OPCML: variants seen among roughly 807,000 people sequenced by gnomAD.
The protein encoded by OPCML is opioid-binding protein/cell adhesion molecule.
OPCML carries 13 observed loss-of-function variants against 37.8 expected under a neutral mutation model. That is an observed-to-expected ratio of 0.34 (90% confidence interval 0.22 to 0.55). The LOEUF is 0.55. Ranked by LOEUF, OPCML falls within the 20% of genes least tolerant of loss-of-function variation. OPCML has a pLI of 0.91. For synonymous variants in OPCML, 176 were observed against 168.8 expected (o/e 1.04, Z -0.33); for missense variants, 341 against 435.6 (o/e 0.78, Z 1.93).
intron 3 of OPCML, among the ~76,000 whole-genome samples, chr11:132,542,161 C>T (rs1591527992): frequency 6.6e-6 from 1 of 152,156 alleles, no homozygotes; most frequent in Admixed American, 6.6e-5. Flanking sequence ...GTCCCTGATG[C>T]CTCCAGTCTT....
chr11:133,160,944 C>T (rs561266431), intron 1 of OPCML, among the ~76,000 whole-genome samples: 15 of 152,326 alleles, frequency 9.8e-5, no homozygotes, highest in East Asian at 3.9e-4. Context: ...ATGTTCTGCA[C>T]GGTGTGAGGC....
intron 2 of OPCML, among the ~76,000 whole-genome samples, chr11:132,760,101 T>C (rs1043045556): frequency 3.1e-4 from 47 of 152,174 alleles, no homozygotes; most frequent in African/African-American, 1.0e-3. Flanking sequence ...TATGTAGTTG[T>C]GCAGTTTTGA....
chr11:132,509,939 G>T (rs1371620496), intron 4 of OPCML, among the ~76,000 whole-genome samples: 2 of 152,148 alleles, frequency 1.3e-5, no homozygotes, highest in East Asian at 3.9e-4. Flanking sequence ...TCTACCAACA[G>T]CTTGCACTGT....
At chr11:133,340,606 CTCTGTGTGTGTGTGTGTG>C (rs960426114) in intron 1 of OPCML, among the ~76,000 whole-genome samples, 6 of 109,288 alleles carry the variant, frequency 5.5e-5, no homozygotes, top group African/African-American at 2.4e-4. Flanking sequence ...TTAAGACTCT[CTCTGTGTGTGTGTGTGTG>C]TGTGTGTGTG....
intron 2 of OPCML, among the ~76,000 whole-genome samples, chr11:132,671,992 T>C (rs113130600): frequency 0.013 from 1,988 of 152,302 alleles, 36 homozygotes; most frequent in African/African-American, 0.035. Context: ...CTCAGCACAC[T>C]GACTACAGAT....
In OPCML at chr11:133,254,324, T is replaced by C. The variant is rs967217696; in HGVS notation, c.61+277940A>G. On this transcript the variant is annotated intron_variant, in intron 1 of 7. Coordinates refer to ENST00000524381, the MANE Select transcript of OPCML (RefSeq NM_001012393.5). ...GAGAGCAGGGCATGAGTTTCTTCCC[T>C]GTTCACACAGCTACAGAACATGCAT... Among the ~76,000 whole-genome samples, 4 of 152,198 alleles carry C rather than the reference T, an allele frequency of 2.6e-5. No individual in the cohort carries two copies. The East Asian group carries it at 7.7e-4, about 29-fold the overall frequency.
rs148750804 is a variant in OPCML at position 133,072,923 on chromosome 11, G to A, written c.62-129913C>T. 3.5e-3 allele frequency among the ~76,000 whole-genome samples: 538 copies of A among 152,370 alleles called. 2 individuals carry two copies. The highest frequency in any genetic ancestry group is 0.012 in the African/African-American group (515 of 41,588). ...AACATTGCCTGAGACAAGGGTTGGT[G>A]TGAAGACAGATTATTTTGGAAGCAA... On this transcript the variant is annotated intron_variant, in intron 1 of 7. Coordinates refer to ENST00000524381, the MANE Select transcript of OPCML (RefSeq NM_001012393.5).
intron 3 of OPCML, among the ~76,000 whole-genome samples, chr11:132,607,856 G>A (rs189021708): frequency 5.8e-4 from 88 of 152,294 alleles, no homozygotes; most frequent in African/African-American, 2.0e-3. Flanking sequence ...GCAGAGAAGA[G>A]TAGGAGGGAG....
chr11:133,172,250 T>C (rs1229088196), intron 1 of OPCML, among the ~76,000 whole-genome samples: 1 of 152,142 alleles, frequency 6.6e-6, no homozygotes. Flanking sequence ...TACTGAATTA[T>C]AGAGATCATG....
At position 133,239,098 on chromosome 11, in the gene OPCML, C is replaced by T. The variant is rs146379521; in HGVS notation, c.61+293166G>A. ...AAGTCAACTCAGAAGACTGCAGTCA[C>T]AGGTGTGCAGGGGAAGGGTGTCTGT... On this transcript the variant is annotated intron_variant, in intron 1 of 7. Transcript: ENST00000524381. Among the ~76,000 whole-genome samples, 393 of 152,310 alleles carry T rather than the reference C, an allele frequency of 2.6e-3. 1 individual carries two copies. Among genetic ancestry groups the T allele is most frequent in the African/African-American group, 9.0e-3 (373 of 41,572 alleles).
chr11:132,482,574 T>G (rs953404452), intron 4 of OPCML, among the ~76,000 whole-genome samples: 4 of 152,136 alleles, frequency 2.6e-5, no homozygotes, highest in East Asian at 1.9e-4. Context: ...ATTTTATGAG[T>G]CCAGCATCAT....
At chr11:132,920,866 C>G (rs1361157156) in intron 2 of OPCML, among the ~76,000 whole-genome samples, 1 of 152,122 alleles carries the variant, frequency 6.6e-6, no homozygotes, top group African/African-American at 2.4e-5. Flanking sequence ...GCCCACCTGG[C>G]GTCTCCTGAG....
chr11:133,316,828 A>G (rs1943215693), intron 1 of OPCML, among the ~76,000 whole-genome samples: 1 of 152,220 alleles, frequency 6.6e-6, no homozygotes, highest in South Asian at 2.1e-4. Flanking sequence ...GCTAAGCCCC[A>G]CGTAAATATA....
At chr11:133,469,802 G>T (rs1413729619) in intron 1 of OPCML, among the ~76,000 whole-genome samples, 2 of 152,036 alleles carry the variant, frequency 1.3e-5, no homozygotes, top group East Asian at 1.9e-4. Context: ...GATCCTACCT[G>T]GCACATGCTC....
intron 2 of OPCML, among the ~76,000 whole-genome samples, chr11:132,722,327 T>G (rs1231684761): frequency 2.6e-5 from 4 of 152,092 alleles, no homozygotes; most frequent in African/African-American, 9.7e-5. Flanking sequence ...AAGTTGTTTT[T>G]TAGAGGGGAT....
chr11:133,449,019 T>A (rs1258808382), intron 1 of OPCML, among the ~76,000 whole-genome samples: 1 of 152,210 alleles, frequency 6.6e-6, no homozygotes, highest in Non-Finnish European at 1.5e-5. Flanking sequence ...CAAGTGTGGA[T>A]AATTAACAAG....
At chr11:133,498,317 A>T (rs1947829253) in intron 1 of OPCML, among the ~76,000 whole-genome samples, 1 of 152,232 alleles carries the variant, frequency 6.6e-6, no homozygotes, top group Non-Finnish European at 1.5e-5. Context: ...TGCTGGGTCA[A>T]GACATGAAGT....
At chr11:132,787,561 TA>T (rs199851514) in intron 2 of OPCML, among the ~76,000 whole-genome samples, 27 of 148,464 alleles carry the variant, frequency 1.8e-4, no homozygotes, top group East Asian at 3.9e-4. Flanking sequence ...CTGCTGATGT[TA>T]AAAAAAAAAG....
chr11:133,404,596 G>T (rs950598838), intron 1 of OPCML, among the ~76,000 whole-genome samples: 63 of 152,214 alleles, frequency 4.1e-4, no homozygotes, highest in African/African-American at 1.5e-3. Flanking sequence ...TAACCACTAC[G>T]CCACACTGCC....
Sources: gnomAD v4.1 joint callset for allele counts (sites outside exome capture counted in the v4.1 genomes callset) on GRCh38, gnomAD v4.1.1 for gene constraint, MANE v1.5 for transcripts, NCBI Gene and HGNC (gene_info 2026-07-23, HGNC 2026-07-21) for gene names.